Variants in HSD17B4 observed in about 807,000 individuals in gnomAD.
The protein encoded by HSD17B4 is peroxisomal multifunctional enzyme type 2.
A neutral mutation model predicts 101.0 loss-of-function variants in HSD17B4; 70 were observed. That is an observed-to-expected ratio of 0.69 (90% CI 0.57 to 0.85). The LOEUF (loss-of-function observed/expected upper bound fraction) is 0.85, where lower values mean the gene tolerates loss of function less well. HSD17B4 is among the 40% of genes least tolerant of loss of function. The probability of loss-of-function intolerance (pLI) is 0.00; values close to 1 mark genes in which losing one functional copy is unlikely to be tolerated. For synonymous variants in HSD17B4, 347 were observed against 297.1 expected, an observed-to-expected ratio of 1.17 and a Z score of -1.73; for missense variants, 984 against 892.4, an observed-to-expected ratio of 1.10 and a Z score of -1.31.
chr5:119,459,291 G>C (rs1754976665), intron 2 of HSD17B4, among the ~76,000 whole-genome samples: 1 of 152,166 alleles, frequency 6.6e-6, no homozygotes, highest in South Asian at 2.1e-4. Context: ...TAACTTCCGG[G>C]ATTATGGTGA....
At chr5:119,460,747 G>A (rs575366919) in intron 2 of HSD17B4, among the ~76,000 whole-genome samples, 22 of 152,296 alleles carry the variant, frequency 1.4e-4, no homozygotes, top group African/African-American at 4.8e-4. Context: ...GGGGAGTAGT[G>A]GAGGGACAGA....
chr5:119,483,868 C>T (rs1749365573), intron 8 of HSD17B4, among the ~76,000 whole-genome samples: 1 of 152,054 alleles, frequency 6.6e-6, no homozygotes, highest in African/African-American at 2.4e-5. Flanking sequence ...TTATCACAAC[C>T]AAACAAAATA....
rs964493746 is a variant in HSD17B4 at position 119,452,818 on chromosome 5, G to A, written c.58+185G>A. On this transcript the variant is annotated intron_variant, in intron 1 of 23. Coordinates refer to ENST00000510025, the MANE Select transcript of HSD17B4 (RefSeq NM_000414.4). ...GAGCCGGAAACACCTGGTCTCTCAA[G>A]CAGGTACAGCCCGCTTCTCCCCAGC... is the stretch of plus-strand genomic sequence containing the variant. 1.3e-5 allele frequency: 20 copies of A among 1,536,692 alleles called. No individual in the cohort carries two copies. The African/African-American group carries it at 2.2e-4, about 17-fold the overall frequency.
chr5:119,492,298 C>T, intron 10 of HSD17B4, 174 bp downstream of exon 10: 1 of 656,490 alleles, frequency 1.5e-6, no homozygotes, highest in South Asian at 1.7e-5. Context: ...TGTGATTGTC[C>T]TATAGGTCTG....
intron 19 of HSD17B4, among the ~76,000 whole-genome samples, chr5:119,526,260 A>G (rs1469157542): frequency 6.7e-6 from 1 of 149,936 alleles, no homozygotes; most frequent in Non-Finnish European, 1.5e-5. Flanking sequence ...GGGTTGCTTT[A>G]TAAATTAATT....
intron 23 of HSD17B4, among the ~76,000 whole-genome samples, chr5:119,538,338 C>A (rs1182163826): frequency 6.6e-6 from 1 of 152,144 alleles, no homozygotes; most frequent in African/African-American, 2.4e-5. Flanking sequence ...AGGGATATCA[C>A]TGTGATCCTA....
chr5:119,532,846 A>T (rs185044099), intron 22 of HSD17B4, among the ~76,000 whole-genome samples: 32 of 152,228 alleles, frequency 2.1e-4, no homozygotes, highest in African/African-American at 7.7e-4. Context: ...CAGAAACCAA[A>T]AAGCTCTAAA....
At chr5:119,520,675 A>AC (rs1232513302) in intron 17 of HSD17B4, among the ~76,000 whole-genome samples, 1 of 151,968 alleles carries the variant, frequency 6.6e-6, no homozygotes, top group Admixed American at 6.6e-5. Flanking sequence ...AACAGTGGTA[A>AC]CCCCCACCTT....
In HSD17B4 at chr5:119,536,671, G is replaced by A; in HGVS notation, c.2121+121G>A. The A allele has an allele frequency of 3.4e-6, 3 of 877,264 alleles. No individual in the cohort carries two copies. The South Asian group carries it at 4.2e-5, about 12-fold the overall frequency. 54.3% of individuals were successfully genotyped at this position (877,264 alleles called of 1,614,324 possible). A position where few individuals can be genotyped will look rare whatever the true frequency, so the allele number is the denominator to read the frequency against. On this transcript the variant is annotated intron_variant, in intron 23 of 23. Transcript: ENST00000510025. ...CCAGGTTTCTTACAACTCTGAAGAT[G>A]ACACAGTTGCTACTGATACTCTGGT...
chr5:119,531,127 T>C lies in HSD17B4; in HGVS notation c.1855-139T>C, dbSNP rs549655549. On this transcript the variant is annotated intron_variant, in intron 21 of 23. Coordinates refer to ENST00000510025, the MANE Select transcript of HSD17B4 (RefSeq NM_000414.4). ...AGTGATGTATACAAATAAGAAAGTA[T>C]GAAAGACACATTGTATGAAGAAAAC... is the stretch of plus-strand genomic sequence containing the variant. 23 of 761,068 alleles carry C rather than the reference T, an allele frequency of 3.0e-5. No homozygotes were observed. In the South Asian group the frequency reaches 3.3e-4, roughly 11 times the overall value. The allele number at this position is 761,068 out of a possible 1,614,324, so 47.1% of individuals were successfully genotyped here. A position where few individuals can be genotyped will look rare whatever the true frequency, so the allele number is the denominator to read the frequency against.
chr5:119,525,708 G>GTTTTTTTTTTTTT, intron 18 of HSD17B4: 1 of 564,872 alleles, frequency 1.8e-6, no homozygotes, highest in African/African-American at 2.1e-5. Context: ...TTCTTTTCCT[G>GTTTTTTTTTTTTT]TTTTGTTTTT....
intron 8 of HSD17B4, among the ~76,000 whole-genome samples, chr5:119,483,809 A>G (rs35164142): frequency 0.021 from 3,206 of 152,298 alleles, 110 homozygotes; most frequent in African/African-American, 0.07. Context: ...TCTAATGAAC[A>G]CTTGGAAATG....
intron 2 of HSD17B4, among the ~76,000 whole-genome samples, chr5:119,459,864 C>T (rs1755038475): frequency 6.6e-6 from 1 of 151,820 alleles, no homozygotes; most frequent in Non-Finnish European, 1.5e-5. Context: ...TTTTAAAGGC[C>T]CCACATCTCT....
chr5:119,480,368 G>A (rs938053434), intron 8 of HSD17B4, among the ~76,000 whole-genome samples: 52 of 152,150 alleles, frequency 3.4e-4, no homozygotes, highest in African/African-American at 1.2e-3. Flanking sequence ...AAGGGACAGA[G>A]TACAAAAGAG....
At chr5:119,511,658 C>G (rs949463075) in intron 16 of HSD17B4, among the ~76,000 whole-genome samples, 2 of 151,900 alleles carry the variant, frequency 1.3e-5, no homozygotes, top group African/African-American at 4.8e-5. Flanking sequence ...GTGACTGCAC[C>G]TACTCAAGGT....
rs57579065 is a variant in HSD17B4 at position 119,531,568 on chromosome 5, G to GGTGT, written c.1993+189_1993+192dup. On this transcript the variant is annotated intron_variant, in intron 22 of 23. Transcript: ENST00000510025. ...ATAGGTTTGGGAATGTCCAAAGGGG[G>GGTGT]GTGTGTGTGTGTGTGTGTGTGTGTG... is the stretch of plus-strand genomic sequence containing the variant. Among the ~76,000 whole-genome samples the GGTGT allele has an allele frequency of 1.5e-3, 179 of 116,496 alleles. 1 individual carries two copies. The highest frequency in any genetic ancestry group is 4.4e-3 in the Middle Eastern group (1 of 228). 76.4% of individuals were successfully genotyped at this position (116,496 alleles called of 152,430 possible).
At chr5:119,481,040 C>G (rs1324865249) in intron 8 of HSD17B4, among the ~76,000 whole-genome samples, 3 of 152,170 alleles carry the variant, frequency 2.0e-5, no homozygotes, top group South Asian at 2.1e-4. Flanking sequence ...CACAAACACA[C>G]ATGCTGTACA....
At chr5:119,473,803 C>G in intron 2 of HSD17B4, 105 bp from the exon 3 acceptor site, 1 of 754,020 alleles carries the variant, frequency 1.3e-6, no homozygotes, top group Non-Finnish European at 2.4e-6. Context: ...GGGCAGATGA[C>G]TGAAGAGATG....
chr5:119,539,673 T>A (rs907804875), intron 23 of HSD17B4, among the ~76,000 whole-genome samples: 3 of 151,740 alleles, frequency 2.0e-5, no homozygotes, highest in African/African-American at 4.8e-5. Flanking sequence ...AAGAAAAAAA[T>A]TTTTCCCAGT....
Sources: gnomAD v4.1 joint callset for allele counts (sites outside exome capture counted in the v4.1 genomes callset) on GRCh38, gnomAD v4.1.1 for gene constraint, MANE v1.5 for transcripts, NCBI Gene and HGNC (gene_info 2026-07-23, HGNC 2026-07-21) for gene names.